The following ANO1 variants were observed in gnomAD, a reference collection of about 807,000 sequenced individuals.
The protein encoded by ANO1 is anoctamin-1.
In ANO1, 59 loss-of-function variants were observed where a neutral mutation model predicts 124.0. The observed-to-expected ratio is 0.48, with a 90% confidence interval of 0.39 to 0.59. The LOEUF is 0.59. ANO1 is among the 20% of genes least tolerant of loss of function. ANO1 has a pLI of 0.00. For synonymous variants in ANO1, 529 were observed against 532.0 expected, an observed-to-expected ratio of 0.99 and a Z score of 0.08; for missense variants, 1,059 against 1,328.0, an observed-to-expected ratio of 0.80 and a Z score of 3.15.
chr11:70,002,477 A>AAAAAAAAAAAC (rs1315228835), intron 1 of ANO1, among the ~76,000 whole-genome samples: 1 of 149,866 alleles, frequency 6.7e-6, no homozygotes, highest in Non-Finnish European at 1.5e-5. Flanking sequence ...AAAAAAAAAA[A>AAAAAAAAAAAC]CACCAAAAAA....
At chr11:70,098,293 G>A (rs530907267) in intron 2 of ANO1, among the ~76,000 whole-genome samples, 6 of 152,306 alleles carry the variant, frequency 3.9e-5, no homozygotes, top group East Asian at 1.9e-4. Flanking sequence ...GAGGGCCTTC[G>A]GGCCCAAACC....
At chr11:69,966,517 G>T in the ANO1 span, among the ~76,000 whole-genome samples, 8 of 152,218 alleles carry the variant, frequency 5.3e-5, no homozygotes, top group Non-Finnish European at 1.0e-4. Context: ...TCGCCGGGTG[G>T]GGTGGCCCTG....
chr11:69,983,847 C>T (rs116044182), upstream of ANO1, among the ~76,000 whole-genome samples: 5 of 152,272 alleles, frequency 3.3e-5, no homozygotes, highest in African/African-American at 7.2e-5. Flanking sequence ...GAAGAAAAAG[C>T]GGCTTCAATC....
chr11:70,104,425 G>A (rs998207234), intron 4 of ANO1, among the ~76,000 whole-genome samples: 3 of 152,168 alleles, frequency 2.0e-5, no homozygotes, highest in Non-Finnish European at 2.9e-5. Flanking sequence ...GTCTAGACAT[G>A]CCTTCCCACC....
rs775656872 is a variant in ANO1, at chr11:70,078,568, G to C, written c.-39G>C. 6.5e-6 allele frequency: 9 copies of C among 1,388,314 alleles called. No homozygotes were observed. Among genetic ancestry groups the C allele is most frequent in the Non-Finnish European group, 7.6e-6 (8 of 1,046,426 alleles). The allele number at this position is 1,388,314 out of a possible 1,614,324, so 86.0% of individuals were successfully genotyped here. A position where few individuals can be genotyped will look rare whatever the true frequency, so the allele number is the denominator to read the frequency against. ...GGCCGCCGGGGCCGTGGATGGGGAG[G>C]GCGCGCCGCCCGGCGGTCCCAGCGC... On this transcript the variant is annotated 5_prime_UTR_variant, in exon 1 of 26. Transcript: ENST00000355303.
At chr11:70,131,825 G>C (rs2046769262) in intron 10 of ANO1, 94 bp from the exon 11 acceptor site, 2 of 1,445,400 alleles carry the variant, frequency 1.4e-6, no homozygotes, top group Non-Finnish European at 1.9e-6. Flanking sequence ...CCCCCAGCTT[G>C]GGCCCAGCGC....
intron 5 of ANO1, 69 bp downstream of exon 5, chr11:70,105,857 A>G: frequency 4.7e-6 from 7 of 1,500,716 alleles, no homozygotes; most frequent in Non-Finnish European, 6.5e-6. Flanking sequence ...TGATAATTTC[A>G]TTTTGGTGAA....
chr11:70,107,463 T>G (rs1590749604), intron 5 of ANO1, among the ~76,000 whole-genome samples: 1 of 94,042 alleles, frequency 1.1e-5, no homozygotes, highest in Non-Finnish European at 2.2e-5. Context: ...GGGGCGGGGT[T>G]GTTGGGACAG....
intron 11 of ANO1, 137 bp from the exon 12 acceptor site, chr11:70,149,573 C>G: frequency 1.2e-6 from 1 of 850,064 alleles, no homozygotes; most frequent in East Asian, 2.7e-5. Context: ...ATCGCTTGAA[C>G]CCAGGAGGCG....
intron 11 of ANO1, among the ~76,000 whole-genome samples, chr11:70,136,147 G>A (rs779435805): frequency 1.4e-4 from 22 of 152,236 alleles, no homozygotes; most frequent in Non-Finnish European, 2.4e-4. Flanking sequence ...GCGTTGGGCT[G>A]GCTAGCAGCC....
intron 10 of ANO1, among the ~76,000 whole-genome samples, chr11:70,127,336 C>A (rs955883656): frequency 8.5e-5 from 13 of 152,172 alleles, no homozygotes; most frequent in Non-Finnish European, 8.8e-5. Flanking sequence ...ATCTGCACGG[C>A]CCCGAGAAAT....
At chr11:70,039,010 C>A (rs1565166629) in intron 1 of ANO1, among the ~76,000 whole-genome samples, 1 of 152,006 alleles carries the variant, frequency 6.6e-6, no homozygotes, top group Non-Finnish European at 1.5e-5. Context: ...AGGATACAGG[C>A]AAGATATTTC....
At chr11:69,995,101 T>TTG (rs1554998173) in intron 1 of ANO1, among the ~76,000 whole-genome samples, 107 of 147,276 alleles carry the variant, frequency 7.3e-4, no homozygotes, top group African/African-American at 1.6e-3. Flanking sequence ...CTGTTTTTTT[T>TTG]TTTTTTTTTT....
chr11:70,010,857 C>T (rs532735066), intron 1 of ANO1, among the ~76,000 whole-genome samples: 2 of 152,328 alleles, frequency 1.3e-5, no homozygotes, highest in Admixed American at 1.3e-4. Flanking sequence ...TGAGGATTCT[C>T]CTCCCCTTCT....
In ANO1 at chr11:70,108,383, AC is replaced by A. The variant is rs1264168793; in HGVS notation, c.779del (p.Thr260LysfsTer132). ...VYEILKRTTCTKAKYSMGITS... is the reference protein window; with the variant it reads ...VYEILKRTTCXKAKYSMGITS... ...TGAGATCTTGAAGAGAACGACGTGT[AC>A]AAAGGCCAAGTACAGCATGGGTAAG... is the stretch of plus-strand genomic sequence containing the variant. On this transcript the variant is annotated frameshift_variant, in exon 6 of 26. Coordinates refer to ENST00000355303, the MANE Select transcript of ANO1 (RefSeq NM_018043.7). LOFTEE classifies it high-confidence loss of function. 1.2e-6 allele frequency: 2 copies of A among 1,612,794 alleles called. No individual in the cohort carries two copies. Among genetic ancestry groups the A allele is most frequent in the Non-Finnish European group, 1.7e-6 (2 of 1,179,120 alleles).
intron 8 of ANO1, among the ~76,000 whole-genome samples, chr11:70,121,879 G>GTCTC (rs777402886): frequency 1.4e-4 from 4 of 27,916 alleles, no homozygotes; most frequent in Admixed American, 5.3e-4. Flanking sequence ...CTCTGTCTCT[G>GTCTC]TCTCTCCATC....
intron 1 of ANO1, chr11:70,056,328 A>G (rs1236836392): frequency 2.0e-5 from 3 of 152,166 alleles, no homozygotes; most frequent in East Asian, 1.9e-4. Flanking sequence ...AGCAATTTCA[A>G]TATGTCACTC....
intron 1 of ANO1, among the ~76,000 whole-genome samples, chr11:70,044,788 A>G (rs1169981634): frequency 2.0e-5 from 3 of 152,192 alleles, no homozygotes; most frequent in African/African-American, 7.2e-5. Flanking sequence ...ACGATGATAA[A>G]GGCTGAAACT....
chr11:70,010,162 T>TGTGTGC (rs1360604238), intron 1 of ANO1, among the ~76,000 whole-genome samples: 1 of 75,314 alleles, frequency 1.3e-5, no homozygotes, highest in Non-Finnish European at 2.9e-5. Context: ...TGTGTGTGTG[T>TGTGTGC]GTGCGCGTGT....
Sources: gnomAD v4.1 joint callset for allele counts (sites outside exome capture counted in the v4.1 genomes callset) on GRCh38, gnomAD v4.1.1 for gene constraint, MANE v1.5 for transcripts, NCBI Gene and HGNC (gene_info 2026-07-23, HGNC 2026-07-21) for gene names.